The following PHF8 variants were observed in gnomAD, a reference collection of about 807,000 sequenced individuals.
The protein encoded by PHF8 is PHD finger protein 8, also known as histone lysine demethylase PHF8.
PHF8 carries 9 observed loss-of-function variants against 74.4 expected under a neutral mutation model. The observed-to-expected ratio is 0.12, with a 90% confidence interval of 0.07 to 0.21. PHF8 has a LOEUF of 0.21. Ranked by LOEUF, PHF8 falls within the 10% of genes least tolerant of loss-of-function variation. The pLI is 1.00. For synonymous variants in PHF8, 311 were observed against 316.6 expected (o/e 0.98, Z 0.19); for missense variants, 478 against 816.6 (o/e 0.59, Z 5.05).
intron 6 of PHF8, among the ~76,000 whole-genome samples, chrX:54,015,795 A>G (rs1300854540): frequency 9.0e-6 from 1 of 110,930 alleles, no homozygotes; most frequent in Non-Finnish European, 1.9e-5. Flanking sequence ...ATTTCTTGGT[A>G]TTTCCCACAT....
intron 14 of PHF8, 96 bp downstream of exon 14, chrX:53,992,640 A>G (rs2065684149): frequency 1.9e-6 from 1 of 538,536 alleles, no homozygotes; most frequent in Admixed American, 2.7e-5. Flanking sequence ...CCTCCTACCC[A>G]TGTCCCAACC....
At chrX:53,974,519 A>G (rs1557095481) in intron 18 of PHF8, among the ~76,000 whole-genome samples, 2 of 111,819 alleles carry the variant, frequency 1.8e-5, no homozygotes, top group African/African-American at 6.5e-5. Flanking sequence ...AAAGATCTAG[A>G]GGCAGAACTA....
intron 11 of PHF8, among the ~76,000 whole-genome samples, chrX:53,997,935 TAAG>T (rs1369464674): frequency 9.0e-6 from 1 of 111,572 alleles, no homozygotes; most frequent in Non-Finnish European, 1.9e-5. Context: ...CAACAGGAAC[TAAG>T]GAGATTGTAC....
intron 18 of PHF8, among the ~76,000 whole-genome samples, chrX:53,981,840 G>C (rs138172508): frequency 7.6e-4 from 85 of 111,814 alleles, no homozygotes; most frequent in African/African-American, 2.7e-3. Context: ...CAGGACATGA[G>C]GTTATATTCA....
intron 18 of PHF8, among the ~76,000 whole-genome samples, chrX:53,964,771 G>A (rs782212601): frequency 1.8e-4 from 19 of 108,378 alleles, no homozygotes; most frequent in Non-Finnish European, 3.1e-4. Context: ...GGAGGCTGAC[G>A]CAGGAGAATC....
intron 6 of PHF8, among the ~76,000 whole-genome samples, chrX:54,015,162 C>CT (rs11351496): frequency 1.9e-5 from 2 of 107,494 alleles, no homozygotes; most frequent in South Asian, 4.0e-4. Flanking sequence ...AGTTTTCTCT[C>CT]TTTTTTTTTT....
chrX:53,973,985 C>T (rs970344797), intron 18 of PHF8, among the ~76,000 whole-genome samples: 2 of 111,103 alleles, frequency 1.8e-5, no homozygotes, highest in Non-Finnish European at 3.8e-5. Flanking sequence ...TTCAGCCGGG[C>T]GCGGTGGCTC....
At chrX:53,972,340 A>G (rs912272936) in intron 18 of PHF8, among the ~76,000 whole-genome samples, 3 of 107,017 alleles carry the variant, frequency 2.8e-5, no homozygotes, top group East Asian at 2.9e-4. Context: ...AAAAAAAAAA[A>G]AAAAGAAAAA....
rs59458276 is a variant in PHF8 at position 53,963,586 on chromosome X, A to G, written c.2444-647T>C. On this transcript the variant is annotated intron_variant, in intron 18 of 21. Coordinates refer to ENST00000338154, the MANE Select transcript of PHF8 (RefSeq NM_015107.3). ...AAAAGTGGGTGAAGGATATGAACAG[A>G]CACTTCTCAAAAGAAGACATTTATC... is the stretch of plus-strand genomic sequence containing the variant. Among the ~76,000 whole-genome samples, 399 of 112,065 alleles carry G rather than the reference A, an allele frequency of 3.6e-3. 2 individuals are homozygous for G. Among genetic ancestry groups the G allele is most frequent in the African/African-American group, 0.012 (379 of 30,887 alleles).
intron 2 of PHF8, among the ~76,000 whole-genome samples, chrX:54,042,262 T>C (rs1557116084): frequency 2.8e-5 from 3 of 106,789 alleles, no homozygotes; most frequent in African/African-American, 6.8e-5. Flanking sequence ...GATCGCGCCA[T>C]TGCACTCCAG....
chrX:54,003,192 C>T (rs76418603), intron 8 of PHF8, among the ~76,000 whole-genome samples: 1 of 112,010 alleles, frequency 8.9e-6, no homozygotes. Flanking sequence ...TTTAAATTTT[C>T]TATTTTAATT....
At position 53,993,837 on chromosome X, in the gene PHF8, C is replaced by A; in HGVS notation, c.1390G>T (p.Gly464Cys). The change falls in exon 13 of 22, where the codon GGC becomes TGC. Residue 464 changes from glycine to cysteine, a missense_variant. Transcript: ENST00000338154. ...IFGLQRIFPA[G>C]SIPLTRPAHS... ...GCTGGCCTGGTTAGGGGAATGGAGC[C>A]GGCTGGGAAGATCCTCTGCAGCCCA... 8.3e-7 allele frequency: 1 copy of A among 1,207,983 alleles called. No individual in the cohort carries two copies. Among genetic ancestry groups the A allele is most frequent in the Non-Finnish European group, 1.1e-6 (1 of 892,054 alleles).
At chrX:53,985,418 C>T (rs781861649) in intron 17 of PHF8, among the ~76,000 whole-genome samples, 191 bp from the exon 18 acceptor site, 137 of 111,526 alleles carry the variant, frequency 1.2e-3, no homozygotes, top group African/African-American at 4.2e-3. Flanking sequence ...ATTGCTTTCA[C>T]GAAAAGCCAG....
chrX:53,960,221 G>A (rs1222623198), intron 19 of PHF8, among the ~76,000 whole-genome samples: 1 of 107,311 alleles, frequency 9.3e-6, no homozygotes, highest in Non-Finnish European at 1.9e-5. Flanking sequence ...GACTACAGGC[G>A]CCTGCCACCA....
At chrX:53,971,581 A>G (rs1035797913) in intron 18 of PHF8, among the ~76,000 whole-genome samples, 9 of 111,772 alleles carry the variant, frequency 8.1e-5, no homozygotes, top group Non-Finnish European at 1.7e-4. Context: ...TAGATAGACC[A>G]TTAGCTAGAC....
intron 18 of PHF8, among the ~76,000 whole-genome samples, chrX:53,964,746 A>T (rs2065154240): frequency 9.1e-6 from 1 of 109,855 alleles, no homozygotes; most frequent in Non-Finnish European, 1.9e-5. Flanking sequence ...GCGCACCTGT[A>T]ATCCCAGCTA....
chrX:53,966,919 T>C (rs1163055693), intron 18 of PHF8, among the ~76,000 whole-genome samples: 2 of 86,168 alleles, frequency 2.3e-5, no homozygotes, highest in African/African-American at 4.4e-5. Context: ...CTCTGCCCGG[T>C]CGCGACCCCG....
At chrX:54,004,387 G>A (rs1394108450) in intron 8 of PHF8, among the ~76,000 whole-genome samples, 6 of 110,940 alleles carry the variant, frequency 5.4e-5, no homozygotes, top group Non-Finnish European at 1.1e-4. Context: ...CAATGAAATC[G>A]TATCAATAAT....
At chrX:54,020,650 A>G (rs187811963) in intron 4 of PHF8, among the ~76,000 whole-genome samples, 1 of 112,313 alleles carries the variant, frequency 8.9e-6, no homozygotes, top group Non-Finnish European at 1.9e-5. Flanking sequence ...TTGGAGAAAG[A>G]ACCTGAGGAG....
Sources: allele counts gnomAD v4.1 joint callset (sites outside exome capture counted in the v4.1 genomes callset), GRCh38; gene constraint gnomAD v4.1.1; transcripts MANE v1.5; gene names NCBI Gene and HGNC (gene_info 2026-07-23, HGNC 2026-07-21).